SERGEF: variants seen among roughly 807,000 people sequenced by gnomAD.
SERGEF encodes secretion-regulating guanine nucleotide exchange factor.
In SERGEF, 51 loss-of-function variants were observed where a neutral mutation model predicts 50.0. The observed-to-expected ratio is 1.02, with a 90% CI of 0.81 to 1.29. The LOEUF is 1.29. Among genes scored for constraint, SERGEF ranks in the 50% most tolerant of loss-of-function variants. The pLI, the probability that SERGEF is intolerant of heterozygous loss-of-function variation, is 0.00. For missense variants in SERGEF, 521 were observed against 557.0 expected, an observed-to-expected ratio of 0.94 and a Z score of 0.65; for synonymous variants, 205 against 212.4, an observed-to-expected ratio of 0.97 and a Z score of 0.30.
At chr11:17,824,609 G>A (rs769701504) in intron 10 of SERGEF, among the ~76,000 whole-genome samples, 15 of 152,154 alleles carry the variant, frequency 9.9e-5, no homozygotes, top group Non-Finnish European at 1.8e-4. Context: ...GAAGCTAGAC[G>A]TCTACAATCA....
intron 10 of SERGEF, among the ~76,000 whole-genome samples, chr11:17,824,492 A>G (rs747639724): frequency 3.7e-4 from 57 of 152,218 alleles, no homozygotes; most frequent in Non-Finnish European, 6.8e-4. Context: ...GGGGGATATC[A>G]TCAGACCTGT....
intron 9 of SERGEF, among the ~76,000 whole-genome samples, chr11:17,932,391 A>T (rs532908505): frequency 1.6e-4 from 25 of 152,166 alleles, no homozygotes; most frequent in East Asian, 3.9e-4. Flanking sequence ...GTCACTTTTT[A>T]AAAAAAATTC....
At chr11:17,964,802 T>G (rs760193396) in intron 8 of SERGEF, among the ~76,000 whole-genome samples, 3 of 152,228 alleles carry the variant, frequency 2.0e-5, no homozygotes, top group Non-Finnish European at 4.4e-5. Context: ...CTTAGAAGGT[T>G]AAGAACCTGA....
At chr11:17,852,403 C>T (rs1850730410) in intron 10 of SERGEF, among the ~76,000 whole-genome samples, 1 of 152,190 alleles carries the variant, frequency 6.6e-6, no homozygotes, top group Non-Finnish European at 1.5e-5. Flanking sequence ...AAGGACCCAG[C>T]AAGGCAGCCA....
At chr11:17,953,694 C>T (rs1386838101) in intron 9 of SERGEF, among the ~76,000 whole-genome samples, 1 of 152,236 alleles carries the variant, frequency 6.6e-6, no homozygotes, top group Admixed American at 6.5e-5. Context: ...GTGCCAGGGA[C>T]TATTCTAGAC....
chr11:17,827,821 G>C (rs2158396), intron 10 of SERGEF, among the ~76,000 whole-genome samples: 1 of 151,992 alleles, frequency 6.6e-6, no homozygotes, highest in Non-Finnish European at 1.5e-5. Flanking sequence ...CACTGAATCT[G>C]TATTTTTCCC....
At chr11:17,974,165 A>G (rs1853318147) in intron 8 of SERGEF, among the ~76,000 whole-genome samples, 5 of 152,170 alleles carry the variant, frequency 3.3e-5, no homozygotes, top group Admixed American at 1.3e-4. Flanking sequence ...CACATCTACT[A>G]ATCTCCCTCC....
chr11:17,995,844 G>T lies in SERGEF; in HGVS notation c.574C>A (p.Gln192Lys), dbSNP rs923372017. The T allele has an allele frequency of 6.8e-6, 11 of 1,613,878 alleles. No homozygotes were observed. Among genetic ancestry groups the T allele is most frequent in the Admixed American group, 3.3e-5 (2 of 59,994 alleles). The change falls in exon 6 of 11, where the codon CAG becomes AAG. Residue 192 changes from glutamine (Q) to lysine (K), a missense_variant. Physicochemically the swap from Gln to Lys is moderately conservative, Grantham distance 53 (BLOSUM62 1). Coordinates refer to ENST00000265965, the MANE Select transcript of SERGEF (RefSeq NM_012139.4). ...GCTGTGAAAAACAATGGAAGAGTCTGCCCAGGGCACAACCGTCGTCCACAT... is the reference window on the plus strand; with the variant it reads ...GCTGTGAAAAACAATGGAAGAGTCTTCCCAGGGCACAACCGTCGTCCACAT... Reference protein sequence around the residue: ...ASCGRRLCPGQTLPLFFTAKE... With the variant: ...ASCGRRLCPGKTLPLFFTAKE...
chr11:17,899,743 A>G (rs1395876656), intron 9 of SERGEF, among the ~76,000 whole-genome samples: 1 of 152,094 alleles, frequency 6.6e-6, no homozygotes, highest in Admixed American at 6.6e-5. Flanking sequence ...ACTTGAGGCC[A>G]GCGGTTCAAG....
intron 9 of SERGEF, among the ~76,000 whole-genome samples, chr11:17,925,087 C>T (rs1361391852): frequency 6.6e-6 from 1 of 152,094 alleles, no homozygotes; most frequent in Non-Finnish European, 1.5e-5. Context: ...AAGCCATTTA[C>T]AGGAACCCAA....
chr11:17,889,885 G>A (rs1439975467), intron 9 of SERGEF, among the ~76,000 whole-genome samples: 2 of 152,084 alleles, frequency 1.3e-5, no homozygotes, highest in African/African-American at 4.8e-5. Context: ...TAGAATAATG[G>A]TTATTTTGGG....
At chr11:17,828,007 G>A (rs550323385) in intron 10 of SERGEF, among the ~76,000 whole-genome samples, 22 of 152,332 alleles carry the variant, frequency 1.4e-4, no homozygotes, top group Non-Finnish European at 1.9e-4. Flanking sequence ...GCAAGAAGGG[G>A]CTGATTCCTG....
intron 10 of SERGEF, among the ~76,000 whole-genome samples, chr11:17,835,676 A>C (rs1850385115): frequency 6.6e-6 from 1 of 152,226 alleles, no homozygotes; most frequent in Non-Finnish European, 1.5e-5. Flanking sequence ...AATTTGGATC[A>C]AATTGACTCA....
intron 9 of SERGEF, among the ~76,000 whole-genome samples, chr11:17,952,160 T>C (rs1852785724): frequency 1.3e-5 from 2 of 152,350 alleles, no homozygotes; most frequent in African/African-American, 2.4e-5. Context: ...GATTTAGAAA[T>C]AGGCATGTTA....
At chr11:17,818,134 C>T (rs1850012511) in intron 10 of SERGEF, among the ~76,000 whole-genome samples, 1 of 152,138 alleles carries the variant, frequency 6.6e-6, no homozygotes, top group Non-Finnish European at 1.5e-5. Flanking sequence ...TTCTGGGTGT[C>T]CGCTCTGCCC....
Position 17,970,396 on chromosome 11 carries a change from C to G in SERGEF, c.845-10760G>C, listed in dbSNP as rs974359173. On this transcript the variant is annotated intron_variant, in intron 8 of 10. Coordinates refer to ENST00000265965, the MANE Select transcript of SERGEF (RefSeq NM_012139.4). ...GTTCTGACTGCTCCACCGACCAGCC[C>G]TTCTTCCATCTCTCTCCCTCTCCTC... Among the ~76,000 whole-genome samples, 32 of 152,166 alleles carry G rather than the reference C, an allele frequency of 2.1e-4. 2 individuals carry two copies.
In SERGEF at chr11:17,969,790, A is replaced by G. The variant is rs146541052; in HGVS notation, c.845-10154T>C. ...ATGTGATTCTCCTTACACAGTGAGC[A>G]CAACACTGTTCATCTGGAGAAAGAG... On this transcript the variant is annotated intron_variant, in intron 8 of 10. Transcript: ENST00000265965. 4.8e-3 allele frequency among the ~76,000 whole-genome samples: 736 copies of G among 152,314 alleles called. 16 individuals are homozygous for G. Among genetic ancestry groups the G allele is most frequent in the East Asian group, 3.3e-3 (17 of 5,184 alleles).
chr11:17,973,986 G>GT (rs1853311072), intron 8 of SERGEF, among the ~76,000 whole-genome samples: 1 of 152,182 alleles, frequency 6.6e-6, no homozygotes, highest in Non-Finnish European at 1.5e-5. Context: ...TAATTCCAAA[G>GT]TAGGGGGTTG....
At chr11:17,829,115 A>G (rs2133851556) in intron 10 of SERGEF, among the ~76,000 whole-genome samples, 1 of 152,402 alleles carries the variant, frequency 6.6e-6, no homozygotes, top group South Asian at 2.1e-4. Context: ...CTAGTAGGAC[A>G]GTGACAAAGT....
Sources: allele counts gnomAD v4.1 joint callset (sites outside exome capture counted in the v4.1 genomes callset), GRCh38; gene constraint gnomAD v4.1.1; transcripts MANE v1.5; gene names NCBI Gene and HGNC (gene_info 2026-07-23, HGNC 2026-07-21).